Variants in TMEM245 observed in about 807,000 individuals in gnomAD.
The protein encoded by TMEM245 is transmembrane protein 245.
Under a neutral mutation model 101.2 loss-of-function variants are expected in TMEM245, and 69 were observed. The ratio of observed to expected loss-of-function variants is 0.68; its 90% CI spans 0.56 to 0.83. The LOEUF is 0.83. Among genes scored for constraint, TMEM245 ranks in the 40% least tolerant of loss-of-function variants. The pLI, the probability that TMEM245 is intolerant of heterozygous loss-of-function variation, is 0.00. For synonymous variants in TMEM245, 537 were observed against 449.8 expected (o/e 1.19, Z -2.45); for missense variants, 1,075 against 1,092.8 (o/e 0.98, Z 0.23).
rs1045791472 is a variant in TMEM245 at position 109,073,401 on chromosome 9, C to G, written c.1487G>C (p.Ser496Thr). Residue 496 changes from serine to threonine, a missense_variant, in exon 9 of 18, where the codon AGT becomes ACT. Ser to Thr is a moderately conservative substitution (Grantham distance 58). Around this residue, in one of 2 missense-constraint regions of TMEM245, gnomAD observed 808 missense variants for 741.5 expected, o/e 1.09. Coordinates refer to ENST00000374586, the MANE Select transcript of TMEM245 (RefSeq NM_032012.4). ...QESVHMIEVTSNLINETLANH... is the reference protein window; with the variant it reads ...QESVHMIEVTTNLINETLANH... ...TGCTAGAGTTTCATTAATCAAATTA[C>G]TTGTGACTTCAATCATGTGTACACT... 1 of 1,612,838 alleles carries G rather than the reference C, an allele frequency of 6.2e-7. No homozygotes were observed. Among genetic ancestry groups the G allele is most frequent in the Non-Finnish European group, 8.5e-7 (1 of 1,179,556 alleles).
chr9:109,063,735 A>C (rs1006952926), intron 10 of TMEM245, among the ~76,000 whole-genome samples: 1 of 152,102 alleles, frequency 6.6e-6, no homozygotes, highest in African/African-American at 2.4e-5. Context: ...TTCAGTCAAG[A>C]TCATTTCCTC....
chr9:109,065,101 C>G (rs1188116051), intron 9 of TMEM245, among the ~76,000 whole-genome samples: 1 of 152,076 alleles, frequency 6.6e-6, no homozygotes, highest in Non-Finnish European at 1.5e-5. Context: ...GTTTCCTTAG[C>G]TTTTAGACCC....
intron 8 of TMEM245, among the ~76,000 whole-genome samples, chr9:109,079,658 G>A (rs1384032602): frequency 6.6e-6 from 1 of 152,006 alleles, no homozygotes; most frequent in East Asian, 1.9e-4. Flanking sequence ...AAAGCTCACT[G>A]AAGCAGGGGA....
chr9:109,031,314 G>A (rs1827938885), intron 17 of TMEM245, among the ~76,000 whole-genome samples: 1 of 152,142 alleles, frequency 6.6e-6, no homozygotes, highest in South Asian at 2.1e-4. Context: ...AAAGTTCATA[G>A]CATCTTGAAT....
intron 9 of TMEM245, among the ~76,000 whole-genome samples, chr9:109,069,558 C>T (rs1188823933): frequency 6.6e-6 from 1 of 152,168 alleles, no homozygotes; most frequent in Non-Finnish European, 1.5e-5. Flanking sequence ...TTCCCCGCTC[C>T]ACTGAACTCA....
At position 109,038,130 on chromosome 9, in the gene TMEM245, A is replaced by T. The variant is rs765984465; in HGVS notation, c.2124-13T>A. The T allele has an allele frequency of 1.9e-6, 3 of 1,599,224 alleles. No homozygotes were observed. In the African/African-American group the frequency reaches 4.0e-5, roughly 22 times the overall value. Reference sequence around the variant, plus strand: ...ATCAAACACCCCTCTGGAATGCCCAAAGATAAAAAGAAAGAGTAAATAAAC... The same window carrying T: ...ATCAAACACCCCTCTGGAATGCCCATAGATAAAAAGAAAGAGTAAATAAAC... On this transcript the variant is annotated splice_polypyrimidine_tract_variant and intron_variant, in intron 14 of 17. Transcript: ENST00000374586.
At chr9:109,026,420 G>GTTCGTTA (rs984433985) in intron 17 of TMEM245, among the ~76,000 whole-genome samples, 1 of 151,946 alleles carries the variant, frequency 6.6e-6, no homozygotes, top group African/African-American at 2.4e-5. Context: ...ATAGTTAGGA[G>GTTCGTTA]TTCGTTAAGA....
At chr9:109,086,734 G>A (rs949945378) in intron 6 of TMEM245, among the ~76,000 whole-genome samples, 2 of 152,124 alleles carry the variant, frequency 1.3e-5, no homozygotes, top group African/African-American at 4.8e-5. Flanking sequence ...ATCAACTGCT[G>A]TCTTTCCCCA....
intron 7 of TMEM245, among the ~76,000 whole-genome samples, chr9:109,083,917 A>AAAAAAAAAAAAAAAAAAAAAAC (rs1588061024): frequency 1.5e-5 from 2 of 136,358 alleles, no homozygotes; most frequent in East Asian, 4.4e-4. Context: ...AAAAAAAAAA[A>AAAAAAAAAAAAAAAAAAAAAAC]AAAAAAAAAA....
At chr9:109,060,240 G>T in intron 11 of TMEM245, 114 bp downstream of exon 11, 1 of 772,008 alleles carries the variant, frequency 1.3e-6, no homozygotes, top group Non-Finnish European at 2.0e-6. Context: ...AGGTTTTGCT[G>T]TTTTGAAATT....
At chr9:109,031,794 T>C (rs1827950529) in intron 17 of TMEM245, among the ~76,000 whole-genome samples, 1 of 152,296 alleles carries the variant, frequency 6.6e-6, no homozygotes, top group East Asian at 1.9e-4. Context: ...TTTAAGAAAA[T>C]TATAAGACAA....
chr9:109,036,683 G>A (rs1214593713), intron 15 of TMEM245, among the ~76,000 whole-genome samples: 2 of 151,966 alleles, frequency 1.3e-5, no homozygotes, highest in South Asian at 2.1e-4. Context: ...GTTAATATAC[G>A]GTCCTATAAA....
At chr9:109,063,172 T>G (rs573738028) in intron 10 of TMEM245, among the ~76,000 whole-genome samples, 1 of 151,940 alleles carries the variant, frequency 6.6e-6, no homozygotes. Flanking sequence ...GAGAGTAGAG[T>G]GCAGTGGCAT....
rs1207579069 is a variant in TMEM245, at chr9:109,015,974, T to G, written c.*4486A>C. ...TAAGTATAGCTCTAAACAGCAAATA[T>G]ACTTGCTTTCTGGACTTCAAGATTT... On this transcript the variant is annotated 3_prime_UTR_variant, in exon 18 of 18. Transcript: ENST00000374586. The G allele has an allele frequency of 6.6e-6, 1 of 152,634 alleles. No individual in the cohort carries two copies. Among genetic ancestry groups the G allele is most frequent in the Non-Finnish European group, 1.5e-5 (1 of 68,040 alleles). The allele number at this position is 152,634 out of a possible 1,614,324, so 9.5% of individuals were successfully genotyped here. A position where few individuals can be genotyped will look rare whatever the true frequency, so the allele number is the denominator to read the frequency against.
At chr9:109,050,461 A>G (rs965256819) in intron 13 of TMEM245, 33 bp from the exon 14 acceptor site, 13 of 1,612,752 alleles carry the variant, frequency 8.1e-6, no homozygotes, top group African/African-American at 1.3e-5. Context: ...TCCTAAAAAA[A>G]TCGTATTTGG....
At chr9:109,041,156 C>G (rs1026224365) in intron 14 of TMEM245, among the ~76,000 whole-genome samples, 1 of 152,142 alleles carries the variant, frequency 6.6e-6, no homozygotes, top group African/African-American at 2.4e-5. Context: ...AAGAACAATT[C>G]AACCCATGAA....
intron 3 of TMEM245, among the ~76,000 whole-genome samples, chr9:109,098,028 C>G (rs745479256): frequency 1.3e-5 from 2 of 152,196 alleles, no homozygotes; most frequent in Non-Finnish European, 2.9e-5. Flanking sequence ...ACAGTATAAA[C>G]TAGAAGCAGA....
intron 4 of TMEM245, among the ~76,000 whole-genome samples, chr9:109,091,792 G>C (rs971145299): frequency 3.3e-5 from 5 of 151,996 alleles, no homozygotes; most frequent in African/African-American, 1.2e-4. Context: ...TTACTATAGG[G>C]TGCTATTATT....
In TMEM245 at chr9:109,032,365, CTTT is replaced by C. The variant is rs755399182; in HGVS notation, c.2594+939_2594+941del. Among the ~76,000 whole-genome samples the C allele has an allele frequency of 4.1e-3, 166 of 40,962 alleles. 1 individual carries two copies. Among genetic ancestry groups the C allele is most frequent in the African/African-American group, 5.8e-3 (59 of 10,188 alleles). 26.9% of individuals were successfully genotyped at this position (40,962 alleles called of 152,430 possible). ...GCATTTGGTTGTCCTATTTCTTTTC[CTTT>C]TTTTTTTTTTTTTTTTTTTTTTTTT... On this transcript the variant is annotated intron_variant, in intron 17 of 17. Transcript: ENST00000374586.
Sources: allele counts gnomAD v4.1 joint callset (sites outside exome capture counted in the v4.1 genomes callset), GRCh38; gene constraint gnomAD v4.1.1; regional missense constraint gnomAD v4.1.1; transcripts MANE v1.5; gene names NCBI Gene and HGNC (gene_info 2026-07-23, HGNC 2026-07-21).